ADAM18: variants seen among roughly 807,000 people sequenced by gnomAD.
ADAM18 encodes the protein disintegrin and metalloproteinase domain-containing protein 18.
Under a neutral mutation model 94.4 loss-of-function variants are expected in ADAM18, and 117 were observed. The observed-to-expected ratio is 1.24, with a 90% CI of 1.07 to 1.45. The LOEUF is 1.45. Among genes scored for constraint, ADAM18 ranks in the 40% most tolerant of loss-of-function variants. ADAM18 has a pLI of 0.00. For synonymous variants in ADAM18, 327 were observed against 291.6 expected, an observed-to-expected ratio of 1.12 and a Z score of -1.24; for missense variants, 936 against 880.0, an observed-to-expected ratio of 1.06 and a Z score of -0.81.
At chr8:39,656,277 A>T (rs2129579844) in intron 12 of ADAM18, among the ~76,000 whole-genome samples, 1 of 152,214 alleles carries the variant, frequency 6.6e-6, no homozygotes, top group Non-Finnish European at 1.5e-5. Flanking sequence ...GCAGTATGGT[A>T]TATGTGCCTG....
chr8:39,645,642 T>C (rs77856613), intron 11 of ADAM18, among the ~76,000 whole-genome samples, 168 bp downstream of exon 11: 2,614 of 152,278 alleles, frequency 0.017, 59 homozygotes, highest in African/African-American at 0.06. Context: ...ATATATACTA[T>C]AGATTGATCT....
intron 10 of ADAM18, 120 bp from the exon 11 acceptor site, chr8:39,645,218 G>A (rs1820344951): frequency 1.1e-5 from 9 of 821,982 alleles, no homozygotes; most frequent in Non-Finnish European, 1.6e-5. Context: ...AATAATTGTT[G>A]TGAAGTATGC....
At chr8:39,584,703 C>G in intron 1 of ADAM18, 26 bp downstream of exon 1, 1 of 1,609,532 alleles carries the variant, frequency 6.2e-7, no homozygotes, top group Non-Finnish European at 8.5e-7. Flanking sequence ...CCTCCCCTTT[C>G]TTCTTCGACT....
At chr8:39,629,619 C>T (rs1563282127) in intron 7 of ADAM18, among the ~76,000 whole-genome samples, 180 bp downstream of exon 7, 1 of 150,716 alleles carries the variant, frequency 6.6e-6, no homozygotes, top group Non-Finnish European at 1.5e-5. Flanking sequence ...TCTTCCCTTT[C>T]CTTCCTCTAC....
At chr8:39,620,335 T>A (rs1585906425) in intron 6 of ADAM18, among the ~76,000 whole-genome samples, 1 of 107,400 alleles carries the variant, frequency 9.3e-6, no homozygotes, top group Non-Finnish European at 1.8e-5. Flanking sequence ...AGACAGGACC[T>A]CAAAAGCACA....
At chr8:39,631,550 T>A (rs951246911) in intron 7 of ADAM18, among the ~76,000 whole-genome samples, 1 of 152,042 alleles carries the variant, frequency 6.6e-6, no homozygotes, top group Non-Finnish European at 1.5e-5. Flanking sequence ...ATTTCTGTTT[T>A]ATTGAATCAA....
intron 18 of ADAM18, among the ~76,000 whole-genome samples, chr8:39,719,910 T>C (rs1441601578): frequency 6.6e-6 from 1 of 151,500 alleles, no homozygotes; most frequent in African/African-American, 2.4e-5. Flanking sequence ...CCCAGTAGAA[T>C]AGAATGCTGA....
intron 11 of ADAM18, 42 bp downstream of exon 11, chr8:39,645,516 G>A (rs1185390405): frequency 1.9e-6 from 3 of 1,550,290 alleles, no homozygotes; most frequent in Admixed American, 1.9e-5. Flanking sequence ...ATTTTTATAA[G>A]GTTGTTTCCA....
chr8:39,725,867 C>T (rs1257259500), intron 19 of ADAM18, among the ~76,000 whole-genome samples: 1 of 152,028 alleles, frequency 6.6e-6, no homozygotes, highest in Non-Finnish European at 1.5e-5. Flanking sequence ...GAATTCATAC[C>T]CAGAAGTGAG....
intron 17 of ADAM18, among the ~76,000 whole-genome samples, chr8:39,695,618 C>G (rs1203948426): frequency 6.6e-6 from 1 of 151,236 alleles, no homozygotes; most frequent in East Asian, 1.9e-4. Flanking sequence ...CTGGTATCCA[C>G]TATTCTACTT....
chr8:39,619,951 A>G (rs955798176), intron 6 of ADAM18, among the ~76,000 whole-genome samples: 3 of 152,122 alleles, frequency 2.0e-5, no homozygotes, highest in Admixed American at 6.5e-5. Flanking sequence ...GAGCAAAAAG[A>G]GGAAAATATA....
intron 14 of ADAM18, among the ~76,000 whole-genome samples, chr8:39,668,987 A>G (rs1585961913): frequency 6.6e-6 from 1 of 152,040 alleles, no homozygotes; most frequent in African/African-American, 2.4e-5. Context: ...AAGCTGCAGA[A>G]CTATGATTTC....
chr8:39,669,069 TG>T (rs1374361097), intron 14 of ADAM18, among the ~76,000 whole-genome samples: 4 of 152,034 alleles, frequency 2.6e-5, no homozygotes, highest in African/African-American at 7.2e-5. Context: ...GTGTGTGTTT[TG>T]TTTTTTTAAT....
At chr8:39,710,145 A>G (rs1292827656) in intron 18 of ADAM18, among the ~76,000 whole-genome samples, 2 of 152,238 alleles carry the variant, frequency 1.3e-5, no homozygotes, top group African/African-American at 2.4e-5. Flanking sequence ...TCTGTAAGCA[A>G]CAGTGATTCA....
intron 6 of ADAM18, among the ~76,000 whole-genome samples, chr8:39,623,963 G>A (rs1388729981): frequency 6.6e-6 from 1 of 152,030 alleles, no homozygotes; most frequent in Non-Finnish European, 1.5e-5. Context: ...TTTTGAGAAA[G>A]GCCTATTTGT....
At chr8:39,685,570 G>A (rs1821586809) in intron 16 of ADAM18, among the ~76,000 whole-genome samples, 1 of 152,068 alleles carries the variant, frequency 6.6e-6, no homozygotes, top group South Asian at 2.1e-4. Context: ...AATATCACCT[G>A]GTTTCTAAAC....
chr8:39,716,913 G>A (rs770378304), intron 18 of ADAM18, among the ~76,000 whole-genome samples: 6 of 151,826 alleles, frequency 4.0e-5, no homozygotes, highest in Non-Finnish European at 8.8e-5. Flanking sequence ...CCTTTCTGGT[G>A]CATTGACTGT....
chr8:39,610,803 A>G, intron 6 of ADAM18, 97 bp downstream of exon 6: 1 of 1,379,446 alleles, frequency 7.2e-7, no homozygotes, highest in South Asian at 2.0e-5. Flanking sequence ...GTTGAGTAGG[A>G]ATATTAAATT....
At chr8:39,728,963 A>T (rs1362372350) in intron 19 of ADAM18, among the ~76,000 whole-genome samples, 2 of 152,070 alleles carry the variant, frequency 1.3e-5, no homozygotes, top group Admixed American at 6.5e-5. Flanking sequence ...TAGTTTTACA[A>T]TTTTTCATTC....
Sources: gnomAD v4.1 joint callset for allele counts (sites outside exome capture counted in the v4.1 genomes callset) on GRCh38, gnomAD v4.1.1 for gene constraint, MANE v1.5 for transcripts, NCBI Gene and HGNC (gene_info 2026-07-23, HGNC 2026-07-21) for gene names.